The following CBLN2 variants were observed in gnomAD, a reference collection of about 807,000 sequenced individuals.
The protein encoded by CBLN2 is cerebellin 2 precursor.
Under a neutral mutation model 15.0 loss-of-function variants are expected in CBLN2, and 7 were observed. That is an observed-to-expected ratio of 0.47 (90% confidence interval 0.27 to 0.88). The LOEUF (loss-of-function observed/expected upper bound fraction) is 0.88, where lower values mean the gene tolerates loss of function less well. Among genes scored for constraint, CBLN2 ranks in the 40% least tolerant of loss-of-function variants. The probability of loss-of-function intolerance (pLI) is 0.14; values close to 1 mark genes in which losing one functional copy is unlikely to be tolerated. For missense variants in CBLN2, 242 were observed against 304.5 expected, an observed-to-expected ratio of 0.79 and a Z score of 1.53; for synonymous variants, 149 against 135.2, an observed-to-expected ratio of 1.10 and a Z score of -0.71.
At chr18:72,593,506 T>C (rs1287334256) in intron 1 of CBLN2, among the ~76,000 whole-genome samples, 1 of 152,186 alleles carries the variant, frequency 6.6e-6, no homozygotes, top group Admixed American at 6.5e-5. Flanking sequence ...TCTGTTTCTT[T>C]CTCTTGTGTG....
At chr18:72,599,390 C>T (rs1339092636) in intron 1 of CBLN2, among the ~76,000 whole-genome samples, 1 of 152,012 alleles carries the variant, frequency 6.6e-6, no homozygotes, top group Non-Finnish European at 1.5e-5. Flanking sequence ...CCATATTTGT[C>T]CATGATTTTA....
chr18:72,625,812 C>CTATATATATA (rs1356605655), intron 1 of CBLN2, among the ~76,000 whole-genome samples: 20 of 69,070 alleles, frequency 2.9e-4, no homozygotes, highest in Non-Finnish European at 4.0e-4. Flanking sequence ...CTCTCTCTCT[C>CTATATATATA]TCTCTCTATA....
At chr18:72,564,987 G>A (rs2069285121) in intron 1 of CBLN2, among the ~76,000 whole-genome samples, 1 of 152,170 alleles carries the variant, frequency 6.6e-6, no homozygotes, top group African/African-American at 2.4e-5. Flanking sequence ...AGAACGAGAA[G>A]ACATAAAGTG....
At chr18:72,618,912 T>C in intron 1 of CBLN2, 1 of 731,474 alleles carries the variant, frequency 1.4e-6, no homozygotes, top group East Asian at 2.6e-5. Context: ...ATGACAACTT[T>C]GGTCATGGAG....
At chr18:72,590,048 A>G (rs558614652) in intron 1 of CBLN2, among the ~76,000 whole-genome samples, 4 of 152,286 alleles carry the variant, frequency 2.6e-5, no homozygotes, top group Admixed American at 1.3e-4. Flanking sequence ...CGGGCAGATC[A>G]CGAGGTCAGG....
chr18:72,618,935 G>A, intron 1 of CBLN2: 1 of 740,818 alleles, frequency 1.3e-6, no homozygotes, highest in Non-Finnish European at 2.4e-6. Flanking sequence ...AACTTCAGTG[G>A]TCATGGTGGC....
chr18:72,559,117 T>A (rs1419611265), intron 1 of CBLN2, among the ~76,000 whole-genome samples: 1 of 152,210 alleles, frequency 6.6e-6, no homozygotes, highest in African/African-American at 2.4e-5. Flanking sequence ...CCTGAAGCAA[T>A]GTGGCATCCC....
At chr18:72,632,570 G>A (rs374841508) in intron 1 of CBLN2, among the ~76,000 whole-genome samples, 24 of 152,144 alleles carry the variant, frequency 1.6e-4, no homozygotes, top group South Asian at 1.2e-3. Flanking sequence ...TTACAATGTG[G>A]CCATGACTGT....
chr18:72,619,317 A>G, intron 1 of CBLN2: 1 of 572,696 alleles, frequency 1.7e-6, no homozygotes, highest in Non-Finnish European at 3.2e-6. Context: ...TCAGCCAAGC[A>G]CAGTGGTGGC....
chr18:72,571,710 G>T (rs1252247849), intron 1 of CBLN2, among the ~76,000 whole-genome samples: 1 of 152,214 alleles, frequency 6.6e-6, no homozygotes, highest in Non-Finnish European at 1.5e-5. Flanking sequence ...ACAGGGAAAT[G>T]TTAGGACAGA....
intron 1 of CBLN2, among the ~76,000 whole-genome samples, chr18:72,608,049 T>C (rs377152344): frequency 6.6e-6 from 1 of 152,232 alleles, no homozygotes; most frequent in East Asian, 1.9e-4. Context: ...GCCATTCATA[T>C]ATCTGTAAGG....
At chr18:72,635,848 A>G (rs1394372888) in intron 1 of CBLN2, among the ~76,000 whole-genome samples, 2 of 152,156 alleles carry the variant, frequency 1.3e-5, no homozygotes, top group Admixed American at 6.5e-5. Context: ...GTCAGGGATC[A>G]TATGTAATTA....
Position 72,586,498 on chromosome 18 carries a change from T to A in CBLN2, c.16-47726A>T, listed in dbSNP as rs148218653. On this transcript the variant is annotated intron_variant, in intron 1 of 2. Transcript: ENST00000581073. Reference sequence around the variant, plus strand: ...ACAGTGACAGTGGAAAGAACATAACTGTCATGTGGGCTAGTTTTCTCAAAG... The same window carrying A: ...ACAGTGACAGTGGAAAGAACATAACAGTCATGTGGGCTAGTTTTCTCAAAG... Among the ~76,000 whole-genome samples the A allele has an allele frequency of 2.8e-3, 429 of 152,338 alleles. 5 individuals carry two copies. In the South Asian group the frequency reaches 0.035, roughly 12 times the overall value.
intron 1 of CBLN2, among the ~76,000 whole-genome samples, chr18:72,558,406 C>T (rs967584892): frequency 6.6e-6 from 1 of 152,216 alleles, no homozygotes; most frequent in African/African-American, 2.4e-5. Flanking sequence ...GTTTGATGCG[C>T]CTTTTCCCAT....
chr18:72,582,087 A>G (rs560463450), intron 1 of CBLN2, among the ~76,000 whole-genome samples: 1 of 152,232 alleles, frequency 6.6e-6, no homozygotes, highest in South Asian at 2.1e-4. Flanking sequence ...GAAGCACTCT[A>G]TTTTTTCCCT....
At chr18:72,621,564 T>C (rs1281279130) in intron 1 of CBLN2, among the ~76,000 whole-genome samples, 2 of 152,216 alleles carry the variant, frequency 1.3e-5, no homozygotes, top group African/African-American at 2.4e-5. Flanking sequence ...TTTCTTTGCC[T>C]ATTCAATTAT....
intron 1 of CBLN2, among the ~76,000 whole-genome samples, chr18:72,606,600 C>T (rs1048071113): frequency 1.3e-4 from 20 of 152,140 alleles, no homozygotes; most frequent in Non-Finnish European, 2.9e-4. Context: ...AATCAAAGGG[C>T]AAAATATCTT....
intron 1 of CBLN2, among the ~76,000 whole-genome samples, chr18:72,636,985 A>T (rs192402507): frequency 7.8e-4 from 119 of 151,670 alleles, no homozygotes; most frequent in African/African-American, 2.8e-3. Context: ...TTAAATGTTT[A>T]TCCCATTTAG....
intron 1 of CBLN2, among the ~76,000 whole-genome samples, chr18:72,606,265 C>T (rs976924572): frequency 6.6e-6 from 1 of 152,188 alleles, no homozygotes; most frequent in African/African-American, 2.4e-5. Context: ...CATTTCAATA[C>T]AATAGCTCTC....
Sources: allele counts gnomAD v4.1 joint callset (sites outside exome capture counted in the v4.1 genomes callset), GRCh38; gene constraint gnomAD v4.1.1; transcripts MANE v1.5; gene names NCBI Gene and HGNC (gene_info 2026-07-23, HGNC 2026-07-21).